The following AK5 variants were observed in gnomAD, a reference collection of about 807,000 sequenced individuals.
AK5 encodes adenylate kinase isoenzyme 5.
A neutral mutation model predicts 69.5 loss-of-function variants in AK5; 27 were observed. That is an observed-to-expected ratio of 0.39 (90% CI 0.29 to 0.54). The LOEUF (loss-of-function observed/expected upper bound fraction) is 0.54, where lower values mean the gene tolerates loss of function less well. AK5 is among the 20% of genes least tolerant of loss of function. The pLI, the probability that AK5 is intolerant of heterozygous loss-of-function variation, is 0.71. For synonymous variants in AK5, 260 were observed against 244.4 expected (o/e 1.06, Z -0.60); for missense variants, 531 against 700.4 (o/e 0.76, Z 2.73).
intron 8 of AK5, among the ~76,000 whole-genome samples, chr1:77,437,848 T>A (rs1337760315): frequency 6.6e-6 from 1 of 152,124 alleles, no homozygotes; most frequent in Non-Finnish European, 1.5e-5. Context: ...AATTTTTATG[T>A]CAAAGATACC....
At chr1:77,302,106 C>T (rs1253245571) in intron 5 of AK5, among the ~76,000 whole-genome samples, 5 of 152,080 alleles carry the variant, frequency 3.3e-5, no homozygotes, top group African/African-American at 1.2e-4. Flanking sequence ...CCCTGTGTTA[C>T]CCAGGCTGGT....
At chr1:77,352,765 A>G (rs2100416232) in intron 6 of AK5, among the ~76,000 whole-genome samples, 2 of 152,350 alleles carry the variant, frequency 1.3e-5, no homozygotes, top group Middle Eastern at 3.4e-3. Flanking sequence ...CACAGAAGGA[A>G]GTGAAGAAAA....
At chr1:77,431,916 T>G (rs1651663217) in intron 8 of AK5, among the ~76,000 whole-genome samples, 1 of 152,200 alleles carries the variant, frequency 6.6e-6, no homozygotes, top group South Asian at 2.1e-4. Context: ...TCAGTCCAAG[T>G]TTGGAAAGGC....
intron 5 of AK5, among the ~76,000 whole-genome samples, chr1:77,326,532 A>G (rs1392459415): frequency 3.3e-5 from 5 of 151,956 alleles, no homozygotes; most frequent in Admixed American, 6.6e-5. Context: ...TCTATTTTCC[A>G]TTCAGTAGGT....
intron 12 of AK5, among the ~76,000 whole-genome samples, chr1:77,524,303 T>G (rs575854242): frequency 6.6e-6 from 1 of 152,356 alleles, no homozygotes; most frequent in South Asian, 2.1e-4. Flanking sequence ...TACCCACAAG[T>G]GGAATTGCTA....
At chr1:77,522,636 G>C (rs1365229424) in intron 12 of AK5, among the ~76,000 whole-genome samples, 1 of 152,046 alleles carries the variant, frequency 6.6e-6, no homozygotes, top group African/African-American at 2.4e-5. Context: ...GAGGAGGGTG[G>C]GTCAGGGATA....
chr1:77,374,766 G>A (rs538992296), intron 6 of AK5, among the ~76,000 whole-genome samples: 23 of 151,172 alleles, frequency 1.5e-4, no homozygotes, highest in African/African-American at 5.1e-4. Flanking sequence ...GTTACAGTGA[G>A]CTATGATCTC....
chr1:77,288,565 G>T (rs544302612), intron 2 of AK5, among the ~76,000 whole-genome samples: 1 of 151,882 alleles, frequency 6.6e-6, no homozygotes, highest in Admixed American at 6.6e-5. Flanking sequence ...TAATTTTCAA[G>T]GAACACAAGC....
chr1:77,419,147 A>G (rs1650635685), intron 8 of AK5, among the ~76,000 whole-genome samples: 1 of 152,150 alleles, frequency 6.6e-6, no homozygotes, highest in Admixed American at 6.5e-5. Flanking sequence ...TAGCATACCC[A>G]AGACTGGGCA....
intron 10 of AK5, among the ~76,000 whole-genome samples, chr1:77,497,430 C>T (rs1656407785): frequency 6.6e-6 from 1 of 152,216 alleles, no homozygotes; most frequent in Admixed American, 6.5e-5. Context: ...GACACACCAT[C>T]TTCATGAACT....
intron 6 of AK5, among the ~76,000 whole-genome samples, chr1:77,390,203 A>T (rs952705857): frequency 7.9e-5 from 12 of 152,210 alleles, no homozygotes; most frequent in African/African-American, 2.9e-4. Flanking sequence ...TGACATTCCT[A>T]CCCAGGTAAA....
intron 5 of AK5, 168 bp downstream of exon 5, chr1:77,298,115 A>G: frequency 2.3e-6 from 1 of 430,036 alleles, no homozygotes; most frequent in Non-Finnish European, 4.1e-6. Flanking sequence ...TTTGGCAAAC[A>G]CTTAAAAATT....
intron 3 of AK5, among the ~76,000 whole-genome samples, chr1:77,294,834 C>T (rs554597406): frequency 1.4e-4 from 22 of 152,004 alleles, no homozygotes; most frequent in African/African-American, 5.3e-4. Context: ...TTCAGACCAG[C>T]CTGGTCAACA....
At chr1:77,310,730 A>G (rs1221194535) in intron 5 of AK5, among the ~76,000 whole-genome samples, 1 of 151,978 alleles carries the variant, frequency 6.6e-6, no homozygotes. Context: ...TTCTTTATAA[A>G]TTTTAGTATC....
Position 77,282,181 on chromosome 1 carries a change from C to A in AK5, c.-133C>A. The stretch of plus-strand genomic sequence containing the variant: ...CCCTGGCCTGGGCGGAGAGGCTGAG[C>A]TGAGTGCGCGTGAGAAAGAGGGCTG... On this transcript the variant is annotated 5_prime_UTR_variant, in exon 1 of 14. The change creates a new upstream start codon in the 5' untranslated region. Transcript: ENST00000354567. 2 of 766,138 alleles carry A rather than the reference C, an allele frequency of 2.6e-6. No homozygotes were observed. The highest frequency in any genetic ancestry group is 4.0e-6 in the Non-Finnish European group (2 of 500,056). The allele number at this position is 766,138 out of a possible 1,614,324, so 47.5% of individuals were successfully genotyped here. A position where few individuals can be genotyped will look rare whatever the true frequency, so the allele number is the denominator to read the frequency against.
At chr1:77,521,399 G>A (rs1476208324) in intron 11 of AK5, among the ~76,000 whole-genome samples, 1 of 152,082 alleles carries the variant, frequency 6.6e-6, no homozygotes, top group African/African-American at 2.4e-5. Flanking sequence ...CTCTCAACAT[G>A]CTAGGATTAC....
intron 8 of AK5, among the ~76,000 whole-genome samples, chr1:77,479,649 ACT>A (rs142595077): frequency 1.3e-5 from 2 of 150,292 alleles, no homozygotes; most frequent in African/African-American, 4.9e-5. Flanking sequence ...CTATATTTAT[ACT>A]CTCTCTCTCT....
intron 6 of AK5, among the ~76,000 whole-genome samples, chr1:77,384,838 A>G (rs1041638281): frequency 2.0e-5 from 3 of 152,228 alleles, no homozygotes; most frequent in Non-Finnish European, 2.9e-5. Flanking sequence ...TGATGACACT[A>G]CTACTACTAC....
intron 11 of AK5, 124 bp downstream of exon 11, chr1:77,518,851 C>G: frequency 1.0e-6 from 1 of 971,666 alleles, no homozygotes; most frequent in Non-Finnish European, 1.5e-6. Context: ...TATATTATTT[C>G]CCTCCTTTGC....
Sources: allele counts gnomAD v4.1 joint callset (sites outside exome capture counted in the v4.1 genomes callset), GRCh38; gene constraint gnomAD v4.1.1; transcripts MANE v1.5; gene names NCBI Gene and HGNC (gene_info 2026-07-23, HGNC 2026-07-21).